The following NRG3 variants were observed in gnomAD, a reference collection of about 807,000 sequenced individuals.
NRG3 encodes the protein pro-neuregulin-3, membrane-bound isoform.
In NRG3, 31 loss-of-function variants were observed where a neutral mutation model predicts 66.9. The ratio of observed to expected loss-of-function variants is 0.46; its 90% CI spans 0.35 to 0.63. The LOEUF is 0.63. NRG3 is among the 20% of genes least tolerant of loss of function. The probability of loss-of-function intolerance (pLI) is 0.00; values close to 1 mark genes in which losing one functional copy is unlikely to be tolerated. For missense variants in NRG3, 910 were observed against 878.9 expected (o/e 1.04, Z -0.45); for synonymous variants, 393 against 359.4 (o/e 1.09, Z -1.06).
intron 1 of NRG3, among the ~76,000 whole-genome samples, chr10:82,082,491 G>A (rs2133423185): frequency 6.6e-6 from 1 of 152,288 alleles, no homozygotes; most frequent in South Asian, 2.1e-4. Context: ...GGTGGGTCTT[G>A]GAAATTTGCG....
At chr10:82,701,286 G>A (rs1041061467) in intron 2 of NRG3, among the ~76,000 whole-genome samples, 6 of 151,942 alleles carry the variant, frequency 3.9e-5, no homozygotes, top group Non-Finnish European at 5.9e-5. Flanking sequence ...TGCATACCTC[G>A]TCTTTCTCAA....
intron 2 of NRG3, among the ~76,000 whole-genome samples, chr10:82,606,369 A>G (rs1484608076): frequency 6.6e-6 from 1 of 152,002 alleles, no homozygotes; most frequent in Non-Finnish European, 1.5e-5. Flanking sequence ...TTTCATTGTG[A>G]TCTGAGAGAA....
intron 1 of NRG3, among the ~76,000 whole-genome samples, chr10:81,964,283 T>A (rs2059642210): frequency 6.7e-6 from 1 of 149,120 alleles, no homozygotes; most frequent in African/African-American, 2.5e-5. Context: ...ATTCTTTTTT[T>A]AAAAAACAGC....
intron 1 of NRG3, among the ~76,000 whole-genome samples, chr10:82,133,924 A>G (rs1003485744): frequency 1.3e-5 from 2 of 152,102 alleles, no homozygotes; most frequent in East Asian, 1.9e-4. Context: ...TCACCAGCAT[A>G]TGTTATTTTT....
intron 2 of NRG3, among the ~76,000 whole-genome samples, chr10:82,618,243 G>C (rs936011257): frequency 6.6e-6 from 1 of 152,166 alleles, no homozygotes; most frequent in Non-Finnish European, 1.5e-5. Flanking sequence ...GTGCCAGACA[G>C]TGCAAGCGAC....
At chr10:82,091,416 A>G (rs1279674343) in intron 1 of NRG3, among the ~76,000 whole-genome samples, 2 of 152,068 alleles carry the variant, frequency 1.3e-5, no homozygotes, top group East Asian at 1.9e-4. Flanking sequence ...GTGTAATCAT[A>G]TATTTGTCCT....
At chr10:82,767,432 A>T (rs2059557379) in intron 3 of NRG3, among the ~76,000 whole-genome samples, 1 of 152,152 alleles carries the variant, frequency 6.6e-6, no homozygotes, top group Non-Finnish European at 1.5e-5. Flanking sequence ...TTCTATGCTC[A>T]CACTACCAGG....
intron 2 of NRG3, among the ~76,000 whole-genome samples, chr10:82,442,940 T>C (rs2090518361): frequency 2.0e-5 from 3 of 152,036 alleles, no homozygotes; most frequent in African/African-American, 7.2e-5. Context: ...ATAATTGGGC[T>C]CAGTATGTGT....
At chr10:82,519,771 G>T (rs1846021382) in intron 2 of NRG3, among the ~76,000 whole-genome samples, 1 of 152,146 alleles carries the variant, frequency 6.6e-6, no homozygotes, top group Non-Finnish European at 1.5e-5. Flanking sequence ...TCAGGTCCAT[G>T]GGGGAGAAAG....
At chr10:82,301,585 A>C (rs908039148) in intron 1 of NRG3, among the ~76,000 whole-genome samples, 2 of 151,336 alleles carry the variant, frequency 1.3e-5, no homozygotes, top group African/African-American at 2.4e-5. Flanking sequence ...GCAAATTAAA[A>C]TCTCCCACTA....
At chr10:82,249,791 C>T (rs1014751278) in intron 1 of NRG3, among the ~76,000 whole-genome samples, 8 of 152,150 alleles carry the variant, frequency 5.3e-5, no homozygotes, top group East Asian at 1.9e-4. Flanking sequence ...TACATTCTTT[C>T]GTCTTTTCAA....
chr10:82,128,461 C>T (rs934073553), intron 1 of NRG3, among the ~76,000 whole-genome samples: 1 of 151,986 alleles, frequency 6.6e-6, no homozygotes, highest in Non-Finnish European at 1.5e-5. Context: ...TATGCCTTCC[C>T]AGTAAGTGCC....
chr10:82,123,591 C>A (rs1176059365), intron 1 of NRG3, among the ~76,000 whole-genome samples: 2 of 152,130 alleles, frequency 1.3e-5, no homozygotes, highest in African/African-American at 4.8e-5. Context: ...CTAGTGTTTG[C>A]CCTCAAACAG....
At chr10:82,727,176 AT>A (rs1487596885) in intron 2 of NRG3, among the ~76,000 whole-genome samples, 1 of 152,186 alleles carries the variant, frequency 6.6e-6, no homozygotes, top group Non-Finnish European at 1.5e-5. Flanking sequence ...AGAAAATTCA[AT>A]TTTCTGAGGA....
intron 1 of NRG3, among the ~76,000 whole-genome samples, chr10:82,025,168 C>A (rs1234457148): frequency 6.6e-6 from 1 of 151,284 alleles, no homozygotes; most frequent in African/African-American, 2.4e-5. Flanking sequence ...ATTGAAAAAT[C>A]TATTTCTAAC....
At chr10:81,947,188 G>A (rs962471999) in intron 1 of NRG3, among the ~76,000 whole-genome samples, 1 of 152,078 alleles carries the variant, frequency 6.6e-6, no homozygotes, top group Non-Finnish European at 1.5e-5. Flanking sequence ...TATCCACCCT[G>A]AGTCTCTTCA....
chr10:82,916,433 C>G (rs886932635), intron 4 of NRG3, among the ~76,000 whole-genome samples: 1 of 152,088 alleles, frequency 6.6e-6, no homozygotes, highest in Non-Finnish European at 1.5e-5. Context: ...GCCCGGGTGA[C>G]AGAGCAAGAC....
intron 2 of NRG3, among the ~76,000 whole-genome samples, chr10:82,409,468 C>T (rs1450166372): frequency 5.0e-5 from 7 of 141,282 alleles, no homozygotes; most frequent in African/African-American, 2.1e-4. Flanking sequence ...AACAAAGAGT[C>T]TAATGAATCT....
chr10:82,039,709 A>G (rs1271893182), intron 1 of NRG3, among the ~76,000 whole-genome samples: 1 of 152,090 alleles, frequency 6.6e-6, no homozygotes, highest in Non-Finnish European at 1.5e-5. Context: ...ATTAGCCTTA[A>G]TTTATGGAGG....
Sources: allele counts gnomAD v4.1 joint callset (sites outside exome capture counted in the v4.1 genomes callset), GRCh38; gene constraint gnomAD v4.1.1; transcripts MANE v1.5; gene names NCBI Gene and HGNC (gene_info 2026-07-23, HGNC 2026-07-21).